The following RABGAP1L variants were observed in gnomAD, a reference collection of about 807,000 sequenced individuals.
RABGAP1L encodes rab GTPase-activating protein 1-like.
RABGAP1L carries 63 observed loss-of-function variants against 137.7 expected under a neutral mutation model. The observed-to-expected ratio is 0.46, with a 90% confidence interval of 0.37 to 0.56. RABGAP1L has a LOEUF of 0.56. Ranked by LOEUF, RABGAP1L falls within the 20% of genes least tolerant of loss-of-function variation. The pLI is 0.00. For synonymous variants in RABGAP1L, 431 were observed against 433.7 expected (o/e 0.99, Z 0.08); for missense variants, 1,095 against 1,244.0 (o/e 0.88, Z 1.80).
Position 174,732,219 on chromosome 1 carries a change from A to G in RABGAP1L, c.2170-20094A>G, listed in dbSNP as rs528323672. Among the ~76,000 whole-genome samples the G allele has an allele frequency of 1.1e-3, 160 of 150,402 alleles. 1 individual carries two copies. The highest frequency in any genetic ancestry group is 3.6e-3 in the African/African-American group (146 of 40,792). On this transcript the variant is annotated intron_variant, in intron 17 of 25. Coordinates refer to ENST00000681986, the MANE Select transcript of RABGAP1L (RefSeq NM_001366446.1). ...TCCCCCCCAAAAAAAAAAAACATGG[A>G]TTGTTAGACTTGAAAGTAACTCTAC...
chr1:174,190,586 A>C (rs1667146005), intron 1 of RABGAP1L, among the ~76,000 whole-genome samples: 1 of 152,238 alleles, frequency 6.6e-6, no homozygotes, highest in South Asian at 2.1e-4. Context: ...TTGGCTTAAG[A>C]CAATGGTTGG....
At chr1:174,534,775 CAAAAAAAAAAAAAAA>C (rs71117567) in intron 13 of RABGAP1L, among the ~76,000 whole-genome samples, 7 of 71,624 alleles carry the variant, frequency 9.8e-5, no homozygotes, top group South Asian at 6.1e-4. Context: ...ACTCTGTCTC[CAAAAAAAAAAAAAAA>C]AAAAAAAAAA....
At chr1:174,651,998 G>A (rs1050230117) in intron 14 of RABGAP1L, among the ~76,000 whole-genome samples, 2 of 152,038 alleles carry the variant, frequency 1.3e-5, no homozygotes, top group Non-Finnish European at 2.9e-5. Flanking sequence ...CATGTTTAGC[G>A]CTTCCTTCAG....
At position 174,493,545 on chromosome 1, in the gene RABGAP1L, TGTG is replaced by T. The variant is rs981346765; in HGVS notation, c.1710+99406_1710+99408del. Among the ~76,000 whole-genome samples the T allele has an allele frequency of 1.3e-5, 2 of 151,740 alleles. 1 individual carries two copies. The highest frequency in any genetic ancestry group is 4.8e-5 in the African/African-American group (2 of 41,312). On this transcript the variant is annotated intron_variant, in intron 13 of 25. Transcript: ENST00000681986. ...TGATAATTTTATAGGCTTGGCCAGA[TGTG>T]GTGGTTCATGCGTGTAATCCTAGCA...
At chr1:174,675,975 AG>A (rs1222934065) in intron 14 of RABGAP1L, among the ~76,000 whole-genome samples, 2 of 152,050 alleles carry the variant, frequency 1.3e-5, no homozygotes, top group African/African-American at 2.4e-5. Flanking sequence ...AGTAAAACTG[AG>A]GGTTTTTTTT....
intron 13 of RABGAP1L, among the ~76,000 whole-genome samples, chr1:174,589,850 T>C (rs1272620223): frequency 6.6e-6 from 1 of 152,212 alleles, no homozygotes; most frequent in South Asian, 2.1e-4. Context: ...CGTGCTGTTT[T>C]GGTTGCAGTA....
rs192168980 is a variant in RABGAP1L at position 174,786,687 on chromosome 1, G to A, written c.2212-25145G>A. On this transcript the variant is annotated intron_variant, in intron 18 of 25. Coordinates refer to ENST00000681986, the MANE Select transcript of RABGAP1L (RefSeq NM_001366446.1). ...TTTTATGCTGCTTTACTATGTGTCA[G>A]TATCCCTCCCTTCTTTTAGAAATCC... Among the ~76,000 whole-genome samples the A allele has an allele frequency of 2.9e-3, 437 of 152,264 alleles. 2 individuals are homozygous for A. Among genetic ancestry groups the A allele is most frequent in the African/African-American group, 0.01 (418 of 41,544 alleles).
chr1:174,420,452 A>C (rs1456912787), intron 13 of RABGAP1L, among the ~76,000 whole-genome samples: 1 of 152,152 alleles, frequency 6.6e-6, no homozygotes, highest in East Asian at 1.9e-4. Flanking sequence ...AATCTTGAAC[A>C]TACAATTTAC....
intron 13 of RABGAP1L, among the ~76,000 whole-genome samples, chr1:174,425,298 G>T (rs1043721393): frequency 6.6e-6 from 1 of 151,904 alleles, no homozygotes; most frequent in Non-Finnish European, 1.5e-5. Context: ...AAACATTTCA[G>T]AGCTCTCAAG....
chr1:174,906,503 C>T (rs1659111395), intron 19 of RABGAP1L, among the ~76,000 whole-genome samples: 1 of 151,990 alleles, frequency 6.6e-6, no homozygotes, highest in South Asian at 2.1e-4. Context: ...TGGCAGATGC[C>T]TATAATCCCA....
intron 13 of RABGAP1L, among the ~76,000 whole-genome samples, chr1:174,432,668 G>T (rs1317236707): frequency 6.6e-6 from 1 of 152,142 alleles, no homozygotes; most frequent in African/African-American, 2.4e-5. Flanking sequence ...CTCCTGAGTA[G>T]CTGGGACTAC....
At chr1:174,342,223 A>G (rs899566617) in intron 11 of RABGAP1L, among the ~76,000 whole-genome samples, 43 of 152,176 alleles carry the variant, frequency 2.8e-4, no homozygotes, top group African/African-American at 9.2e-4. Context: ...GTAGCCTAAT[A>G]AAGAGAGGGG....
At chr1:174,642,066 A>G (rs1674571379) in intron 14 of RABGAP1L, among the ~76,000 whole-genome samples, 1 of 152,170 alleles carries the variant, frequency 6.6e-6, no homozygotes, top group African/African-American at 2.4e-5. Context: ...ATCAGGTAAA[A>G]TATTATTCAG....
intron 13 of RABGAP1L, among the ~76,000 whole-genome samples, chr1:174,560,737 C>T (rs1186595903): frequency 6.6e-6 from 1 of 152,032 alleles, no homozygotes; most frequent in Admixed American, 6.5e-5. Context: ...TTCTAGTAGT[C>T]CTTAGTGTCT....
At chr1:174,799,133 G>T (rs1688502811) in intron 18 of RABGAP1L, among the ~76,000 whole-genome samples, 1 of 152,170 alleles carries the variant, frequency 6.6e-6, no homozygotes, top group Non-Finnish European at 1.5e-5. Flanking sequence ...AATTCTAATA[G>T]TTCTTTAAAT....
intron 13 of RABGAP1L, among the ~76,000 whole-genome samples, chr1:174,486,351 CTT>C (rs200712256): frequency 1.8e-4 from 24 of 132,256 alleles, no homozygotes; most frequent in Admixed American, 2.3e-4. Flanking sequence ...CTGCTCTGAT[CTT>C]TTTTTTTTTT....
intron 1 of RABGAP1L, among the ~76,000 whole-genome samples, chr1:174,214,119 G>A (rs1319473261): frequency 6.6e-6 from 1 of 152,068 alleles, no homozygotes; most frequent in Non-Finnish European, 1.5e-5. Context: ...AAAACTGTTA[G>A]AACTGATAAA....
chr1:174,229,000 C>T (rs991816616), intron 3 of RABGAP1L, among the ~76,000 whole-genome samples: 1 of 149,530 alleles, frequency 6.7e-6, no homozygotes, highest in Non-Finnish European at 1.5e-5. Context: ...GCCTGCTGTT[C>T]TTAGAATAAA....
chr1:174,396,435 C>G (rs1212682667), intron 13 of RABGAP1L, among the ~76,000 whole-genome samples: 1 of 151,722 alleles, frequency 6.6e-6, no homozygotes, highest in Non-Finnish European at 1.5e-5. Flanking sequence ...AATTTCTGTG[C>G]TTTATAATAT....
Sources: gnomAD v4.1 joint callset for allele counts (sites outside exome capture counted in the v4.1 genomes callset) on GRCh38, gnomAD v4.1.1 for gene constraint, MANE v1.5 for transcripts, NCBI Gene and HGNC (gene_info 2026-07-23, HGNC 2026-07-21) for gene names.